Variants in GPR17 observed in about 807,000 individuals in gnomAD.
GPR17 encodes the protein uracil nucleotide/cysteinyl leukotriene receptor.
GPR17 carries 4 observed loss-of-function variants against 1.5 expected under a neutral mutation model. That is an observed-to-expected ratio of 2.73 (90% confidence interval 1.35 to 6.25). The LOEUF (loss-of-function observed/expected upper bound fraction) is 6.25. GPR17 is among the 30% of genes most tolerant of loss of function. GPR17 has a pLI of 0.00. For missense variants in GPR17, 463 were observed against 462.1 expected, an observed-to-expected ratio of 1.00 and a Z score of -0.02; for synonymous variants, 209 against 207.6, an observed-to-expected ratio of 1.01 and a Z score of -0.06.
chr2:127,650,651 C>A, intron 1 of GPR17, 65 bp from the exon 2 acceptor site: 1 of 1,173,190 alleles, frequency 8.5e-7, no homozygotes, highest in Non-Finnish European at 1.2e-6. Context: ...GACTTCTGGA[C>A]TTCAGAGAGC....
At chr2:127,648,339 G>A in intron 1 of GPR17, 1 of 330,492 alleles carries the variant, frequency 3.0e-6, no homozygotes, top group Non-Finnish European at 4.3e-6. Flanking sequence ...TTAGGTAGTT[G>A]CCCTCCCCTT....
rs2105275181 is a variant in GPR17 at position 127,651,324 on chromosome 2, C to G, written c.589C>G (p.Leu197Val). 1.2e-6 allele frequency: 2 copies of G among 1,610,838 alleles called. No homozygotes were observed. The highest frequency in any genetic ancestry group is 1.7e-6 in the Non-Finnish European group (2 of 1,180,032). Residue 197 changes from leucine (L) to valine (V), a missense_variant, in exon 2 of 2, where the codon CTG (leucine) becomes GTG (valine). Physicochemically the swap from Leu to Val is conservative, Grantham distance 32 (BLOSUM62 1). Coordinates refer to ENST00000486700, the MANE Select transcript of GPR17 (RefSeq NM_001161417.2). ...GGCCTCCCACCATGCCCTGGTGTCC[C>G]TGGCAGTGGCCTTCACCTTCCCGTT... The part of the protein sequence containing the change: ...EKASHHALVS[L>V]AVAFTFPFIT...
At position 127,651,014 on chromosome 2, in the gene GPR17, T is replaced by C; in HGVS notation, c.279T>C (p.Ser93=). The C allele has an allele frequency of 1.2e-6, 2 of 1,613,792 alleles. No individual in the cohort carries two copies. The highest frequency in any genetic ancestry group is 1.7e-6 in the Non-Finnish European group (2 of 1,180,034). Reference sequence around the variant, plus strand: ...CCACCCGCCTGGTCTACCACTTCTCTGGGAACCACTGGCCATTTGGGGAAA... The same window carrying C: ...CCACCCGCCTGGTCTACCACTTCTCCGGGAACCACTGGCCATTTGGGGAAA... The part of the protein sequence containing the change: ...VLPTRLVYHF[S]GNHWPFGEIA... Residue 93 remains serine (S), a synonymous_variant, in exon 2 of 2, where the codon TCT becomes TCC. Transcript: ENST00000486700.
intron 1 of GPR17, chr2:127,649,940 A>C (rs1287898600): frequency 3.1e-6 from 4 of 1,287,652 alleles, no homozygotes; most frequent in Non-Finnish European, 4.4e-6. Context: ...ACTCTGGGAG[A>C]GAAAATACTC....
intron 1 of GPR17, among the ~76,000 whole-genome samples, chr2:127,649,703 G>A (rs1683502324): frequency 1.3e-5 from 2 of 152,140 alleles, no homozygotes; most frequent in Admixed American, 1.3e-4. Context: ...TCTGCTGAGG[G>A]TGGGGAGCAC....
In GPR17 at chr2:127,651,019, A is replaced by G; in HGVS notation, c.284A>G (p.Asn95Ser). 2 of 1,613,764 alleles carry G rather than the reference A, an allele frequency of 1.2e-6. No individual in the cohort carries two copies. Among genetic ancestry groups the G allele is most frequent in the Non-Finnish European group, 1.7e-6 (2 of 1,180,032 alleles). ...CGCCTGGTCTACCACTTCTCTGGGA[A>G]CCACTGGCCATTTGGGGAAATCGCA... ...PTRLVYHFSG[N>S]HWPFGEIACR... The change falls in exon 2 of 2, where the codon AAC (asparagine) becomes AGC (serine). Residue 95 changes from asparagine to serine, a missense_variant. By Grantham distance (46) the Asn-to-Ser change is conservative. Transcript: ENST00000486700.
At chr2:127,648,570 C>T (rs773366267) in intron 1 of GPR17, among the ~76,000 whole-genome samples, 1 of 152,102 alleles carries the variant, frequency 6.6e-6, no homozygotes, top group East Asian at 1.9e-4. Context: ...CTCTCTGCCC[C>T]GTGCCACCAG....
chr2:127,651,918 G>A lies in GPR17; in HGVS notation c.*163G>A, dbSNP rs1558884336. On this transcript the variant is annotated 3_prime_UTR_variant, in exon 2 of 2. Coordinates refer to ENST00000486700, the MANE Select transcript of GPR17 (RefSeq NM_001161417.2). ...CCTAGTCTCAACCCATAAAAAGGAAGAACTGACAAAGGGGATCCATCGGCC... is the reference window on the plus strand; with the variant it reads ...CCTAGTCTCAACCCATAAAAAGGAAAAACTGACAAAGGGGATCCATCGGCC... The A allele has an allele frequency of 1.3e-5, 9 of 691,914 alleles. No individual in the cohort carries two copies. The highest frequency in any genetic ancestry group is 2.0e-5 in the Non-Finnish European group (8 of 407,760). 42.9% of individuals were successfully genotyped at this position (691,914 alleles called of 1,614,324 possible). A position where few individuals can be genotyped will look rare whatever the true frequency, so the allele number is the denominator to read the frequency against.
chr2:127,651,090 A>T lies in GPR17; in HGVS notation c.355A>T (p.Ile119Phe). ...FLFYLNMYAS[I>F]YFLTCISADR... is the part of the protein sequence containing the mutation. ...CTTCTACCTCAACATGTACGCCAGCATCTACTTCCTCACCTGCATCAGCGC... is the reference window on the plus strand; with the variant it reads ...CTTCTACCTCAACATGTACGCCAGCTTCTACTTCCTCACCTGCATCAGCGC... The change falls in exon 2 of 2, where the codon ATC (isoleucine) becomes TTC (phenylalanine). Residue 119 changes from isoleucine (I) to phenylalanine (F), a missense_variant. Transcript: ENST00000486700. 6.2e-7 allele frequency: 1 copy of T among 1,613,700 alleles called. No homozygotes were observed. The highest frequency in any genetic ancestry group is 8.5e-7 in the Non-Finnish European group (1 of 1,180,038).
chr2:127,646,209 G>GGATC lies in GPR17; in HGVS notation c.-56_-55insGATC, dbSNP rs2105230319. The GGATC allele has an allele frequency of 6.6e-6, 1 of 152,482 alleles. No homozygotes were observed. The highest frequency in any genetic ancestry group is 2.4e-5 in the African/African-American group (1 of 41,532). The allele number at this position is 152,482 out of a possible 1,614,324, so 9.4% of individuals were successfully genotyped here. On this transcript the variant is annotated 5_prime_UTR_variant, in exon 1 of 2. Transcript: ENST00000486700. ...GGCGGAGATCACCTGCTGCCCCGCA[G>GGATC]ACCCCTGTCCCTTCCTCCCGGACCA... is the stretch of plus-strand genomic sequence containing the variant.
rs935104808 is a variant in GPR17, at chr2:127,651,489, C to T, written c.754C>T (p.His252Tyr). ...AIFLVCFVPY[H>Y]VNRSVYVLHY... is the part of the protein sequence containing the mutation. Reference sequence around the variant, plus strand: ...CTTCCTGGTCTGCTTCGTGCCCTACCACGTCAACCGCTCCGTCTACGTGCT... The same window carrying T: ...CTTCCTGGTCTGCTTCGTGCCCTACTACGTCAACCGCTCCGTCTACGTGCT... Residue 252 changes from histidine to tyrosine, a missense_variant, in exon 2 of 2, where the codon CAC becomes TAC. Coordinates refer to ENST00000486700, the MANE Select transcript of GPR17 (RefSeq NM_001161417.2). The T allele has an allele frequency of 6.2e-7, 1 of 1,612,794 alleles. No homozygotes were observed. Among genetic ancestry groups the T allele is most frequent in the African/African-American group, 1.3e-5 (1 of 75,080 alleles).
chr2:127,650,770 T>C lies in GPR17; in HGVS notation c.35T>C (p.Ile12Thr), dbSNP rs1484328108. 2 of 1,613,876 alleles carry C rather than the reference T, an allele frequency of 1.2e-6. No individual in the cohort carries two copies. The highest frequency in any genetic ancestry group is 1.7e-5 in the Admixed American group (1 of 60,012). The change falls in exon 2 of 2, where the codon ATC becomes ACC. Residue 12 changes from isoleucine (I) to threonine (T), a missense_variant. By Grantham distance (89) the Ile-to-Thr change is moderately conservative. Coordinates refer to ENST00000486700, the MANE Select transcript of GPR17 (RefSeq NM_001161417.2). ...NGLEVAPPGL[I>T]TNFSLATAEQ... ...CTTGAAGTGGCTCCCCCAGGTCTGA[T>C]CACCAACTTCTCCCTGGCCACGGCA...
In GPR17 at chr2:127,651,769, T is replaced by C; in HGVS notation, c.*14T>C. 1.2e-6 allele frequency: 2 copies of C among 1,607,772 alleles called. No homozygotes were observed. The highest frequency in any genetic ancestry group is 1.7e-6 in the Non-Finnish European group (2 of 1,176,504). On this transcript the variant is annotated 3_prime_UTR_variant, in exon 2 of 2. Transcript: ENST00000486700. ...TCAGAGCTGTGAGCGGGGGGCGCCG[T>C]CCAGGCCGAGCGCAGACTGTTTAGG...
rs143697490 is a variant in GPR17 at position 127,651,084 on chromosome 2, G to A, written c.349G>A (p.Ala117Thr). The A allele has an allele frequency of 2.0e-5, 33 of 1,613,456 alleles. No individual in the cohort carries two copies. Among genetic ancestry groups the A allele is most frequent in the African/African-American group, 2.7e-5 (2 of 74,932 alleles). ...TGFLFYLNMY[A>T]SIYFLTCISA... ...CTTCCTCTTCTACCTCAACATGTAC[G>A]CCAGCATCTACTTCCTCACCTGCAT... Residue 117 changes from alanine (A) to threonine (T), a missense_variant, in exon 2 of 2, where the codon GCC becomes ACC. Ala to Thr is a moderately conservative substitution (Grantham distance 58). Coordinates refer to ENST00000486700, the MANE Select transcript of GPR17 (RefSeq NM_001161417.2).
rs372407392 is a variant in GPR17 at position 127,651,757 on chromosome 2, C to T, written c.*2C>T. The stretch of plus-strand genomic sequence containing the variant: ...CTGAGTGCCAAGTCAGAGCTGTGAG[C>T]GGGGGGCGCCGTCCAGGCCGAGCGC... On this transcript the variant is annotated 3_prime_UTR_variant, in exon 2 of 2. Transcript: ENST00000486700. 1.2e-5 allele frequency: 19 copies of T among 1,609,648 alleles called. No homozygotes were observed. Among genetic ancestry groups the T allele is most frequent in the East Asian group, 4.5e-5 (2 of 44,782 alleles).
intron 1 of GPR17, chr2:127,648,346 C>T (rs2243934): frequency 0.063 from 18,928 of 298,850 alleles, 693 homozygotes; most frequent in East Asian, 0.11. Flanking sequence ...GTTGCCCTCC[C>T]CTTTGCTTGA....
chr2:127,651,202 G>T lies in GPR17; in HGVS notation c.467G>T (p.Trp156Leu). ...LYAHLACAFL[W>L]VVVAVAMAPL... ...GCACACCTGGCCTGTGCCTTCCTGT[G>T]GGTGGTGGTGGCTGTGGCCATGGCC... The change falls in exon 2 of 2, where the codon TGG becomes TTG. Residue 156 changes from tryptophan to leucine, a missense_variant. Trp to Leu is a moderately conservative substitution (Grantham distance 61). Transcript: ENST00000486700. 6.2e-7 allele frequency: 1 copy of T among 1,610,526 alleles called. No individual in the cohort carries two copies.
chr2:127,649,578 C>G (rs1456633579), intron 1 of GPR17, among the ~76,000 whole-genome samples: 1 of 152,256 alleles, frequency 6.6e-6, no homozygotes, highest in African/African-American at 2.4e-5. Context: ...TCTGGCCCCA[C>G]CGCCTGCCCA....
At chr2:127,650,396 C>T (rs778650333) in intron 1 of GPR17, 21 of 533,856 alleles carry the variant, frequency 3.9e-5, no homozygotes, top group South Asian at 7.3e-5. Flanking sequence ...GCAAGGCTCA[C>T]GTCCCATTCC....
Sources: allele counts gnomAD v4.1 joint callset (sites outside exome capture counted in the v4.1 genomes callset), GRCh38; gene constraint gnomAD v4.1.1; transcripts MANE v1.5; gene names NCBI Gene and HGNC (gene_info 2026-07-23, HGNC 2026-07-21).